MYO16: variants seen among roughly 807,000 people sequenced by gnomAD.
MYO16 encodes myosin XVI.
In MYO16, 94 loss-of-function variants were observed where a neutral mutation model predicts 205.3. That is an observed-to-expected ratio of 0.46 (90% confidence interval 0.39 to 0.54). The LOEUF is 0.54. Ranked by LOEUF, MYO16 falls within the 20% of genes least tolerant of loss-of-function variation. MYO16 has a pLI of 0.00. For synonymous variants in MYO16, 988 were observed against 954.0 expected (o/e 1.04, Z -0.66); for missense variants, 2,315 against 2,387.5 (o/e 0.97, Z 0.63).
intron 6 of MYO16, among the ~76,000 whole-genome samples, chr13:108,795,489 T>A (rs371937293): frequency 3.3e-5 from 5 of 152,316 alleles, no homozygotes; most frequent in African/African-American, 4.8e-5. Context: ...ATTACAGGTG[T>A]GAGTTACCGC....
the MYO16 span, among the ~76,000 whole-genome samples, chr13:108,500,238 TTTG>T: frequency 2.6e-3 from 24 of 9,086 alleles, 6 homozygotes; most frequent in East Asian, 0.02. Flanking sequence ...TTTTGTTTTT[TTTG>T]TTTTTTTTTT....
intron 20 of MYO16, among the ~76,000 whole-genome samples, chr13:108,974,185 A>G (rs956846131): frequency 6.6e-6 from 1 of 152,198 alleles, no homozygotes; most frequent in African/African-American, 2.4e-5. Context: ...GTGTATCTTA[A>G]TGTGCTTTTC....
At chr13:108,939,738 A>G (rs1203323758) in intron 16 of MYO16, among the ~76,000 whole-genome samples, 1 of 152,246 alleles carries the variant, frequency 6.6e-6, no homozygotes, top group Non-Finnish European at 1.5e-5. Flanking sequence ...TTTAGCTATT[A>G]AACAGATTAA....
At chr13:108,583,360 T>G in the MYO16 span, among the ~76,000 whole-genome samples, 500 of 152,332 alleles carry the variant, frequency 3.3e-3, 4 homozygotes, top group African/African-American at 0.011. Context: ...CACGCAGAAT[T>G]CCTGCATTTG....
chr13:108,630,039 T>C (rs990708365), intron 1 of MYO16, among the ~76,000 whole-genome samples, 167 bp downstream of exon 1: 5 of 152,102 alleles, frequency 3.3e-5, no homozygotes, highest in African/African-American at 1.2e-4. Flanking sequence ...TTCCTTTTAA[T>C]TTTAGATTGT....
Position 109,055,022 on chromosome 13 carries a change from T to C in MYO16, c.3049-24T>C. 2 of 1,440,730 alleles carry C rather than the reference T, an allele frequency of 1.4e-6. No homozygotes were observed. Among genetic ancestry groups the C allele is most frequent in the African/African-American group, 1.5e-5 (1 of 68,852 alleles). 89.2% of individuals were successfully genotyped at this position (1,440,730 alleles called of 1,614,324 possible). A position where few individuals can be genotyped will look rare whatever the true frequency, so the allele number is the denominator to read the frequency against. Reference sequence around the variant, plus strand: ...TCCTTTCCTTTCTTTTCTCCTGTCCTTCTTGTCTTTCTTTTTATTACAGTT... The same window carrying C: ...TCCTTTCCTTTCTTTTCTCCTGTCCCTCTTGTCTTTCTTTTTATTACAGTT... On this transcript the variant is annotated intron_variant, in intron 25 of 34. Coordinates refer to ENST00000457511, the MANE Select transcript of MYO16 (RefSeq NM_001198950.3). The surrounding 1 kb of genome is among the most constrained non-coding windows in gnomAD (Gnocchi z 5.0).
At chr13:109,052,811 A>C (rs1009004328) in intron 25 of MYO16, among the ~76,000 whole-genome samples, 1 of 152,156 alleles carries the variant, frequency 6.6e-6, no homozygotes, top group Non-Finnish European at 1.5e-5. Context: ...AAACTTAGCT[A>C]TCTTATTCTG....
intron 16 of MYO16, among the ~76,000 whole-genome samples, chr13:108,928,279 A>G (rs1882098440): frequency 6.6e-6 from 1 of 152,222 alleles, no homozygotes; most frequent in African/African-American, 2.4e-5. Context: ...CAGACGCCCC[A>G]TCACGTGTCC....
At chr13:109,088,659 C>T (rs1258922305) in intron 27 of MYO16, among the ~76,000 whole-genome samples, 2 of 152,202 alleles carry the variant, frequency 1.3e-5, no homozygotes, top group Non-Finnish European at 2.9e-5. Context: ...GCTGCGGATG[C>T]GGTGCCTGAG....
intron 10 of MYO16, among the ~76,000 whole-genome samples, chr13:108,853,707 A>G (rs1878010350): frequency 6.6e-6 from 1 of 151,314 alleles, no homozygotes; most frequent in South Asian, 2.1e-4. Flanking sequence ...GGTTTAAATA[A>G]CCCAAACCCC....
chr13:108,891,167 T>G (rs1880154219), intron 14 of MYO16, among the ~76,000 whole-genome samples: 1 of 152,244 alleles, frequency 6.6e-6, no homozygotes, highest in African/African-American at 2.4e-5. Context: ...CATTATCAAA[T>G]ACATTTAATG....
chr13:108,978,912 A>T (rs1884362005), intron 20 of MYO16, among the ~76,000 whole-genome samples: 1 of 151,892 alleles, frequency 6.6e-6, no homozygotes, highest in Admixed American at 6.6e-5. Flanking sequence ...TGACTCACAT[A>T]TATTTTCTGG....
At chr13:108,622,191 T>C (rs1879567966) in intron 1 of MYO16, among the ~76,000 whole-genome samples, 1 of 152,090 alleles carries the variant, frequency 6.6e-6, no homozygotes. Flanking sequence ...TCAAGGCAAA[T>C]CACATAATAA....
intron 1 of MYO16, among the ~76,000 whole-genome samples, chr13:108,607,118 T>C (rs1466458637): frequency 3.3e-5 from 5 of 152,234 alleles, no homozygotes; most frequent in Admixed American, 2.0e-4. Flanking sequence ...AACTTGCTTT[T>C]GGTTTTACAG....
intron 19 of MYO16, 38 bp downstream of exon 19, chr13:108,962,533 G>C (rs892129990): frequency 7.3e-7 from 1 of 1,378,978 alleles, no homozygotes. Flanking sequence ...GTGCAATTTA[G>C]AATCAAATAT....
At chr13:109,059,163 T>C (rs1332907374) in intron 27 of MYO16, among the ~76,000 whole-genome samples, 2 of 152,182 alleles carry the variant, frequency 1.3e-5, no homozygotes, top group Admixed American at 1.3e-4. Flanking sequence ...TGCTTCCAAA[T>C]CCCATTCATG....
intron 27 of MYO16, among the ~76,000 whole-genome samples, chr13:109,081,623 C>T (rs1888283255): frequency 6.6e-6 from 1 of 152,114 alleles, no homozygotes; most frequent in Admixed American, 6.5e-5. Flanking sequence ...AAAAGAGGAG[C>T]TCCCAGACTT....
At chr13:108,958,216 A>T (rs1883454229) in intron 17 of MYO16, among the ~76,000 whole-genome samples, 1 of 147,640 alleles carries the variant, frequency 6.8e-6, no homozygotes, top group Admixed American at 6.8e-5. Context: ...TATATTTATA[A>T]AATATAATTT....
At position 108,835,039 on chromosome 13, in the gene MYO16, C is replaced by T. The variant is rs538802338; in HGVS notation, c.1098-9304C>T. ...TTTGCACTTTTCTTGTAGAAAATAA[C>T]GCATAACTAATTAATATACTGCCTT... is the stretch of plus-strand genomic sequence containing the variant. On this transcript the variant is annotated intron_variant, in intron 9 of 34. Coordinates refer to ENST00000457511, the MANE Select transcript of MYO16 (RefSeq NM_001198950.3). 3.9e-4 allele frequency among the ~76,000 whole-genome samples: 59 copies of T among 152,120 alleles called. 1 individual carries two copies. The highest frequency in any genetic ancestry group is 9.4e-4 in the African/African-American group (39 of 41,538).
Sources: gnomAD v4.1 joint callset for allele counts (sites outside exome capture counted in the v4.1 genomes callset) on GRCh38, gnomAD v4.1.1 for gene constraint, Gnocchi (gnomAD v3.1) non-coding constraint, MANE v1.5 for transcripts, NCBI Gene and HGNC (gene_info 2026-07-23, HGNC 2026-07-21) for gene names.